Variants in RIF1 observed in about 807,000 individuals in gnomAD.
The protein encoded by RIF1 is replication timing regulatory factor 1.
Under a neutral mutation model 247.1 loss-of-function variants are expected in RIF1, and 45 were observed. That is an observed-to-expected ratio of 0.18 (90% CI 0.14 to 0.23). The LOEUF (loss-of-function observed/expected upper bound fraction) is 0.23. Among genes scored for constraint, RIF1 ranks in the 10% least tolerant of loss-of-function variants. RIF1 has a pLI of 1.00. For missense variants in RIF1, 2,967 were observed against 2,862.5 expected (o/e 1.04, Z -0.83); for synonymous variants, 1,087 against 978.8 (o/e 1.11, Z -2.06).
intron 16 of RIF1, among the ~76,000 whole-genome samples, chr2:151,442,985 C>G (rs1470292691): frequency 1.3e-5 from 2 of 151,750 alleles, no homozygotes; most frequent in Non-Finnish European, 1.5e-5. Flanking sequence ...ACTGTGTTAG[C>G]CAGGATGGTC....
intron 30 of RIF1, among the ~76,000 whole-genome samples, chr2:151,467,548 T>G (rs1364432316): frequency 1.3e-5 from 2 of 152,130 alleles, no homozygotes; most frequent in Non-Finnish European, 2.9e-5. Flanking sequence ...TTTCACCATG[T>G]TGGTCAGGCT....
intron 10 of RIF1, among the ~76,000 whole-genome samples, chr2:151,433,618 A>G (rs1690583240): frequency 6.6e-6 from 1 of 151,746 alleles, no homozygotes; most frequent in Non-Finnish European, 1.5e-5. Context: ...ACACCTGGCT[A>G]ATTTTTTGTA....
At chr2:151,429,942 C>T (rs1689774705) in intron 9 of RIF1, among the ~76,000 whole-genome samples, 1 of 152,052 alleles carries the variant, frequency 6.6e-6, no homozygotes, top group Non-Finnish European at 1.5e-5. Context: ...TATATTTTTC[C>T]TGCCAAAGAC....
At chr2:151,518,423 C>T in the RIF1 span, 11 of 1,587,834 alleles carry the variant, frequency 6.9e-6, no homozygotes, top group Non-Finnish European at 7.8e-6. Flanking sequence ...TGTACTGGTA[C>T]TGAGGGGAAG....
chr2:151,435,495 C>A lies in RIF1; in HGVS notation c.1110C>A (p.Ser370Arg). The change falls in exon 11 of 36, where the codon AGC becomes AGA. Residue 370 changes from serine to arginine, a missense_variant. Ser to Arg is a moderately radical substitution (Grantham distance 110, BLOSUM62 -1). Transcript: ENST00000444746. The stretch of plus-strand genomic sequence containing the variant: ...TGCCTCTGATTCAAAGTACAATAAG[C>A]ATTGATTCTAATGCCTCACCTCAGG... ...VCVPLIQSTI[S>R]IDSNASPQGN... 1 of 1,612,044 alleles carries A rather than the reference C, an allele frequency of 6.2e-7. No individual in the cohort carries two copies.
chr2:151,504,505 T>C (rs2067231475), intron 12 of RIF1, among the ~76,000 whole-genome samples: 1 of 152,166 alleles, frequency 6.6e-6, no homozygotes, highest in African/African-American at 2.4e-5. Flanking sequence ...AGGAAATCTG[T>C]ACCACAGAGT....
chr2:151,497,845 C>CGACT, intron 10 of RIF1: 1 of 1,518,544 alleles, frequency 6.6e-7, no homozygotes, highest in Non-Finnish European at 8.8e-7. Context: ...AAAATGCCAC[C>CGACT]GACTACTTTA....
Position 151,462,285 on chromosome 2 carries a change from G to C in RIF1, c.3271G>C (p.Asp1091His), listed in dbSNP as rs1470331479. 5 of 1,589,832 alleles carry C rather than the reference G, an allele frequency of 3.1e-6. No homozygotes were observed. Among genetic ancestry groups the C allele is most frequent in the South Asian group, 2.3e-5 (2 of 85,798 alleles). Residue 1091 changes from aspartate to histidine, a missense_variant, in exon 28 of 36, where the codon GAT (aspartate) becomes CAT (histidine). Asp to His is a moderately conservative substitution (Grantham distance 81). Coordinates refer to ENST00000444746, the MANE Select transcript of RIF1 (RefSeq NM_018151.5). ...GTATAATAATCTGGATGTTTCCCAA[G>C]ATACCTTATTTACTCAGTATAGTCA... is the stretch of plus-strand genomic sequence containing the variant. Reference protein sequence around the residue: ...AMYNNLDVSQDTLFTQYSQEE... With the variant: ...AMYNNLDVSQHTLFTQYSQEE...
In RIF1 at chr2:151,463,060, A is replaced by G. The variant is rs1696432080; in HGVS notation, c.3540A>G (p.Ser1180=). The change falls in exon 30 of 36, where the codon TCA becomes TCG. Residue 1180 remains serine (S), a synonymous_variant. Coordinates refer to ENST00000444746, the MANE Select transcript of RIF1 (RefSeq NM_018151.5). ...AAAGAAAAAAAGCTTTAATTTCATC[A>G]AGGAAAACATCAACTGAATGTGCAT... is the stretch of plus-strand genomic sequence containing the variant. ...NDERKKALIS[S]RKTSTECASS... 2.3e-5 allele frequency: 37 copies of G among 1,613,848 alleles called. No homozygotes were observed. Among genetic ancestry groups the G allele is most frequent in the Non-Finnish European group, 3.1e-5 (37 of 1,179,960 alleles).
chr2:151,436,540 CAAAAAA>C (rs561444176), intron 11 of RIF1, among the ~76,000 whole-genome samples: 1 of 60,812 alleles, frequency 1.6e-5, no homozygotes, highest in Non-Finnish European at 3.4e-5. Flanking sequence ...GACTCTGTCT[CAAAAAA>C]AAAAAAAAAA....
At position 151,501,400 on chromosome 2, in the gene RIF1, G is replaced by A. The variant is rs2153071991; in HGVS notation, c.*710-1634G>A. ...GCTTTCTCCCAAATACCGAGCTAAA[G>A]TTTTCTTGATTGAGTTTGACTCGCT... On this transcript the variant is annotated intron_variant and NMD_transcript_variant, in intron 11 of 13. Coordinates refer to the RIF1 transcript ENST00000454583. The A allele has an allele frequency of 6.5e-7, 1 of 1,548,454 alleles. No homozygotes were observed. Among genetic ancestry groups the A allele is most frequent in the South Asian group, 1.2e-5 (1 of 83,586 alleles).
At chr2:151,473,621 T>C (rs1443393505) in intron 34 of RIF1, among the ~76,000 whole-genome samples, 3 of 152,172 alleles carry the variant, frequency 2.0e-5, no homozygotes, top group Non-Finnish European at 2.9e-5. Context: ...CTATATTTTA[T>C]TTAAGCTTGG....
intron 9 of RIF1, chr2:151,493,919 T>C: frequency 8.1e-7 from 1 of 1,227,394 alleles, no homozygotes; most frequent in Non-Finnish European, 1.1e-6. Flanking sequence ...ATAATCACTA[T>C]TAATTATATT....
chr2:151,512,192 G>A (rs187205809), downstream of RIF1, among the ~76,000 whole-genome samples: 112 of 151,790 alleles, frequency 7.4e-4, no homozygotes, highest in East Asian at 5.4e-3. Flanking sequence ...CACCACGCCC[G>A]GCTAATTTTT....
At chr2:151,514,181 T>C in the RIF1 span, 4 of 655,350 alleles carry the variant, frequency 6.1e-6, no homozygotes, top group South Asian at 1.9e-5. Context: ...TTAACAATTA[T>C]GTTGATATGG....
downstream of RIF1, among the ~76,000 whole-genome samples, chr2:151,509,866 C>T (rs941193072): frequency 6.6e-6 from 1 of 152,160 alleles, no homozygotes; most frequent in African/African-American, 2.4e-5. Context: ...CCTCGGTCTC[C>T]CAAAGTCCTG....
chr2:151,495,631 T>TA (rs1300399435), intron 10 of RIF1, among the ~76,000 whole-genome samples: 3 of 152,124 alleles, frequency 2.0e-5, no homozygotes, highest in African/African-American at 7.2e-5. Flanking sequence ...AATGGTTTAC[T>TA]AAAGTTTGCA....
the RIF1 span, chr2:151,526,153 G>T: frequency 3.7e-6 from 6 of 1,613,688 alleles, no homozygotes; most frequent in Non-Finnish European, 5.1e-6. Context: ...GCGGCTGGGG[G>T]TTACCTCAGA....
At chr2:151,411,207 ATTT>A (rs66862523) in intron 2 of RIF1, 50 bp from the exon 3 acceptor site, 5 of 909,442 alleles carry the variant, frequency 5.5e-6, no homozygotes, top group Admixed American at 2.5e-5. Flanking sequence ...TTTTGAGAGT[ATTT>A]TTTTTTTTCC....
Sources: gnomAD v4.1 joint callset for allele counts (sites outside exome capture counted in the v4.1 genomes callset) on GRCh38, gnomAD v4.1.1 for gene constraint, MANE v1.5 for transcripts, NCBI Gene and HGNC (gene_info 2026-07-23, HGNC 2026-07-21) for gene names.